Variants in ARHGAP24 observed in about 807,000 individuals in gnomAD.
ARHGAP24 encodes rho GTPase-activating protein 24.
In ARHGAP24, 50 loss-of-function variants were observed where a neutral mutation model predicts 76.4. The observed-to-expected ratio is 0.65, with a 90% confidence interval of 0.52 to 0.83. The LOEUF (loss-of-function observed/expected upper bound fraction) is 0.83, where lower values mean the gene tolerates loss of function less well. ARHGAP24 is among the 40% of genes least tolerant of loss of function. ARHGAP24 has a pLI of 0.00. For missense variants in ARHGAP24, 930 were observed against 914.2 expected (o/e 1.02, Z -0.22); for synonymous variants, 345 against 323.3 (o/e 1.07, Z -0.72).
At chr4:85,730,986 G>GCACACACACACACA (rs200255967) in intron 3 of ARHGAP24, among the ~76,000 whole-genome samples, 1 of 133,820 alleles carries the variant, frequency 7.5e-6, no homozygotes, top group Admixed American at 8.0e-5. Flanking sequence ...TAATATAACT[G>GCACACACACACACA]CACACACACA....
chr4:85,525,113 T>C (rs1034867695), intron 1 of ARHGAP24, among the ~76,000 whole-genome samples: 3 of 152,286 alleles, frequency 2.0e-5, no homozygotes, highest in African/African-American at 7.2e-5. Flanking sequence ...CTATATTGTA[T>C]CCACCATCTT....
chr4:85,754,572 C>T (rs6848047), intron 3 of ARHGAP24, among the ~76,000 whole-genome samples: 29,429 of 152,054 alleles, frequency 0.19, 3,075 homozygotes, highest in Non-Finnish European at 0.23. Flanking sequence ...AAGATACATA[C>T]GACAGACAAC....
intron 2 of ARHGAP24, among the ~76,000 whole-genome samples, chr4:85,653,862 A>G (rs1722037075): frequency 6.6e-6 from 1 of 152,148 alleles, no homozygotes; most frequent in Admixed American, 6.6e-5. Context: ...AGTGACTAAT[A>G]TACTGGGCAG....
At chr4:85,787,881 A>C (rs1727925502) in intron 3 of ARHGAP24, among the ~76,000 whole-genome samples, 1 of 152,206 alleles carries the variant, frequency 6.6e-6, no homozygotes, top group Non-Finnish European at 1.5e-5. Context: ...CCTGTAGATC[A>C]CTTCCCATGT....
rs116259009 is a variant in ARHGAP24, at chr4:85,870,754, G to C, written c.269-52894G>C. Among the ~76,000 whole-genome samples the C allele has an allele frequency of 7.1e-3, 1,085 of 152,224 alleles. 10 individuals carry two copies. Among genetic ancestry groups the C allele is most frequent in the African/African-American group, 0.025 (1,038 of 41,540 alleles). On this transcript the variant is annotated intron_variant, in intron 3 of 9. Coordinates refer to ENST00000395184, the MANE Select transcript of ARHGAP24 (RefSeq NM_001025616.3). ...TTTAATTATTGAATGAGGGTTGTAG[G>C]TTCCTTTCCTTTGATATTAGGTGTG...
intron 1 of ARHGAP24, among the ~76,000 whole-genome samples, chr4:85,521,495 C>G (rs958509901): frequency 6.6e-5 from 6 of 90,550 alleles, no homozygotes; most frequent in Admixed American, 6.2e-4. Context: ...CACTTCCACT[C>G]TAGTTCACAT....
chr4:85,965,937 T>C (rs879804910), intron 5 of ARHGAP24, among the ~76,000 whole-genome samples: 10 of 152,166 alleles, frequency 6.6e-5, no homozygotes, highest in Non-Finnish European at 1.0e-4. Context: ...AAAAGTAGAC[T>C]TGGGGGTTGT....
At chr4:85,662,658 G>A (rs1387620219) in intron 2 of ARHGAP24, among the ~76,000 whole-genome samples, 4 of 151,824 alleles carry the variant, frequency 2.6e-5, no homozygotes, top group Non-Finnish European at 5.9e-5. Flanking sequence ...TAGGTCTAAC[G>A]TTTAAGTCTT....
intron 2 of ARHGAP24, among the ~76,000 whole-genome samples, chr4:85,641,960 T>A (rs1218126129): frequency 6.6e-6 from 1 of 152,124 alleles, no homozygotes; most frequent in East Asian, 1.9e-4. Context: ...AAGGGCGTGA[T>A]CTAATACTAA....
chr4:85,922,391 T>C lies in ARHGAP24; in HGVS notation c.269-1257T>C, dbSNP rs191090308. Among the ~76,000 whole-genome samples the C allele has an allele frequency of 2.6e-5, 4 of 152,334 alleles. No individual in the cohort carries two copies. The East Asian group carries it at 7.7e-4, about 29-fold the overall frequency. ...GAAATAATAGTGGGTGTGGTGCCTG[T>C]TGTAAACTGGAGCCTGTAAACTCCT... On this transcript the variant is annotated intron_variant, in intron 3 of 9. Coordinates refer to ENST00000395184, the MANE Select transcript of ARHGAP24 (RefSeq NM_001025616.3).
At chr4:85,588,077 G>T (rs1292612065) in intron 2 of ARHGAP24, among the ~76,000 whole-genome samples, 2 of 152,166 alleles carry the variant, frequency 1.3e-5, no homozygotes, top group East Asian at 3.9e-4. Flanking sequence ...GGGATAACAT[G>T]CAGAGGGAAA....
At chr4:85,634,048 T>C (rs1341496330) in intron 2 of ARHGAP24, among the ~76,000 whole-genome samples, 1 of 151,848 alleles carries the variant, frequency 6.6e-6, no homozygotes, top group Non-Finnish European at 1.5e-5. Context: ...ATACTTGCAA[T>C]TATGCAACTG....
At chr4:85,520,094 C>T (rs1724678835) in intron 1 of ARHGAP24, among the ~76,000 whole-genome samples, 1 of 152,144 alleles carries the variant, frequency 6.6e-6, no homozygotes. Flanking sequence ...GTTTCAAAAA[C>T]ATCCTTGGCT....
At chr4:85,803,328 G>T (rs1329047050) in intron 3 of ARHGAP24, among the ~76,000 whole-genome samples, 1 of 152,142 alleles carries the variant, frequency 6.6e-6, no homozygotes, top group Non-Finnish European at 1.5e-5. Context: ...ATACATTGCT[G>T]TAGAAGACTG....
chr4:85,769,643 T>G (rs945021610), intron 3 of ARHGAP24, among the ~76,000 whole-genome samples: 1 of 152,050 alleles, frequency 6.6e-6, no homozygotes, highest in African/African-American at 2.4e-5. Context: ...CTTTCTTTTC[T>G]TTTTTCTTTT....
intron 1 of ARHGAP24, among the ~76,000 whole-genome samples, chr4:85,500,749 G>T (rs1210352420): frequency 6.6e-6 from 1 of 152,036 alleles, no homozygotes; most frequent in Non-Finnish European, 1.5e-5. Context: ...TAAGTTCTAG[G>T]GTACATGTGC....
chr4:85,941,787 A>C (rs1736961415), intron 4 of ARHGAP24, among the ~76,000 whole-genome samples: 1 of 152,224 alleles, frequency 6.6e-6, no homozygotes, highest in African/African-American at 2.4e-5. Context: ...TACATTTATT[A>C]CAGTTTTTCT....
chr4:85,481,733 G>C (rs776118388), intron 1 of ARHGAP24, among the ~76,000 whole-genome samples: 9 of 152,170 alleles, frequency 5.9e-5, no homozygotes, highest in Non-Finnish European at 1.3e-4. Flanking sequence ...AACAGGTGGA[G>C]GCAAAGAGGA....
chr4:85,514,331 A>G (rs528098405), intron 1 of ARHGAP24, among the ~76,000 whole-genome samples: 4 of 152,202 alleles, frequency 2.6e-5, no homozygotes, highest in Admixed American at 2.0e-4. Context: ...TGCCTTCACT[A>G]TGGATCCTTG....
Sources: gnomAD v4.1 joint callset for allele counts (sites outside exome capture counted in the v4.1 genomes callset) on GRCh38, gnomAD v4.1.1 for gene constraint, MANE v1.5 for transcripts, NCBI Gene and HGNC (gene_info 2026-07-23, HGNC 2026-07-21) for gene names.